The following ENAH variants were observed in gnomAD, a reference collection of about 807,000 sequenced individuals.
The protein encoded by ENAH is ENAH actin regulator, also known as protein enabled homolog.
In ENAH, 23 loss-of-function variants were observed where a neutral mutation model predicts 78.7. That is an observed-to-expected ratio of 0.29 (90% CI 0.21 to 0.41). ENAH has a LOEUF of 0.41. Among genes scored for constraint, ENAH ranks in the 10% least tolerant of loss-of-function variants. The pLI, the probability that ENAH is intolerant of heterozygous loss-of-function variation, is 1.00. For missense variants in ENAH, 544 were observed against 691.0 expected (o/e 0.79, Z 2.39); for synonymous variants, 226 against 241.0 (o/e 0.94, Z 0.58).
intron 2 of ENAH, among the ~76,000 whole-genome samples, chr1:225,566,302 C>T (rs17561368): frequency 0.043 from 6,542 of 152,054 alleles, 230 homozygotes; most frequent in South Asian, 0.11. Context: ...ACCAGTTTCA[C>T]AGCCCAACCT....
intron 1 of ENAH, among the ~76,000 whole-genome samples, chr1:225,606,515 G>A (rs868656298): frequency 7.3e-5 from 11 of 150,896 alleles, no homozygotes; most frequent in South Asian, 2.1e-4. Flanking sequence ...ATAAGCACTC[G>A]TACAATCTAG....
chr1:225,548,341 G>A (rs2096625303), intron 3 of ENAH, among the ~76,000 whole-genome samples: 1 of 151,764 alleles, frequency 6.6e-6, no homozygotes, highest in Non-Finnish European at 1.5e-5. Context: ...TTAGGAAATA[G>A]CTTTAGAGAA....
chr1:225,549,059 A>G (rs559823468), intron 3 of ENAH, among the ~76,000 whole-genome samples: 1 of 152,182 alleles, frequency 6.6e-6, no homozygotes, highest in African/African-American at 2.4e-5. Flanking sequence ...CATATCAGCC[A>G]GGCTGGTCTC....
At chr1:225,521,780 T>C (rs1558750417) in intron 4 of ENAH, among the ~76,000 whole-genome samples, 1 of 151,716 alleles carries the variant, frequency 6.6e-6, no homozygotes, top group African/African-American at 2.4e-5. Context: ...GCTATAACGA[T>C]AGTTTTTTTG....
intron 1 of ENAH, among the ~76,000 whole-genome samples, chr1:225,604,965 T>C (rs1284322717): frequency 6.6e-6 from 1 of 152,176 alleles, no homozygotes; most frequent in African/African-American, 2.4e-5. Flanking sequence ...GAAAAGGGCA[T>C]CCTCATACCT....
chr1:225,608,599 T>C (rs1225433303), intron 1 of ENAH, among the ~76,000 whole-genome samples: 1 of 151,800 alleles, frequency 6.6e-6, no homozygotes, highest in East Asian at 1.9e-4. Context: ...GCAGATTACC[T>C]GAGGTCAGGA....
At chr1:225,568,937 G>T (rs904935253) in intron 1 of ENAH, among the ~76,000 whole-genome samples, 3 of 152,152 alleles carry the variant, frequency 2.0e-5, no homozygotes, top group African/African-American at 7.2e-5. Flanking sequence ...AAACCCAATG[G>T]TAATGTCTAC....
intron 10 of ENAH, among the ~76,000 whole-genome samples, chr1:225,511,469 G>GA (rs2151109276): frequency 6.6e-6 from 1 of 152,326 alleles, no homozygotes; most frequent in South Asian, 2.1e-4. Flanking sequence ...TCACCCAAAT[G>GA]AATGGCTAGG....
intron 1 of ENAH, among the ~76,000 whole-genome samples, chr1:225,635,496 T>C (rs1659899408): frequency 6.6e-5 from 10 of 152,236 alleles, no homozygotes; most frequent in Admixed American, 6.5e-4. Context: ...TTTATTTTTA[T>C]TGTGTACATG....
intron 1 of ENAH, among the ~76,000 whole-genome samples, chr1:225,595,061 G>A (rs564352221): frequency 3.9e-5 from 6 of 152,258 alleles, no homozygotes; most frequent in Middle Eastern, 3.4e-3. Context: ...CAGCCCAGGC[G>A]CGGTGGCTCA....
chr1:225,608,648 T>C (rs1456924658), intron 1 of ENAH, among the ~76,000 whole-genome samples: 1 of 151,372 alleles, frequency 6.6e-6, no homozygotes, highest in Non-Finnish European at 1.5e-5. Flanking sequence ...AAACCCCGTC[T>C]CTACTAACAA....
intron 1 of ENAH, among the ~76,000 whole-genome samples, chr1:225,598,461 G>C (rs1314509175): frequency 6.6e-6 from 1 of 151,898 alleles, no homozygotes; most frequent in Non-Finnish European, 1.5e-5. Context: ...ACTTGACTGG[G>C]TGAGGGGAGA....
intron 6 of ENAH, 25 bp from the exon 7 acceptor site, chr1:225,514,925 G>C: frequency 6.3e-7 from 1 of 1,585,150 alleles, no homozygotes; most frequent in African/African-American, 1.4e-5. Context: ...TGTTAAGTAA[G>C]ACCATCAACA....
chr1:225,586,510 A>G (rs564292523), intron 1 of ENAH, among the ~76,000 whole-genome samples: 4 of 152,306 alleles, frequency 2.6e-5, no homozygotes, highest in African/African-American at 9.6e-5. Context: ...CGTGATCCCA[A>G]CATGAAAGCC....
chr1:225,555,890 G>A (rs926381719), intron 2 of ENAH, among the ~76,000 whole-genome samples: 2 of 151,970 alleles, frequency 1.3e-5, no homozygotes, highest in Admixed American at 1.3e-4. Flanking sequence ...TCTATATAGG[G>A]GTCTTAAGTA....
intron 4 of ENAH, among the ~76,000 whole-genome samples, chr1:225,525,290 T>A (rs1240234351): frequency 6.6e-6 from 1 of 152,250 alleles, no homozygotes; most frequent in Admixed American, 6.5e-5. Flanking sequence ...CCACTTTGGA[T>A]ACACCAATAT....
chr1:225,626,325 C>G (rs1657943376), intron 1 of ENAH, among the ~76,000 whole-genome samples: 5 of 152,338 alleles, frequency 3.3e-5, no homozygotes, highest in Admixed American at 3.3e-4. Flanking sequence ...TATCGTTCTA[C>G]TGAGGTTAAA....
chr1:225,548,833 T>A (rs2096627667), intron 3 of ENAH, among the ~76,000 whole-genome samples: 1 of 149,480 alleles, frequency 6.7e-6, no homozygotes, highest in Non-Finnish European at 1.5e-5. Flanking sequence ...ACTCACTTAA[T>A]ACTTAGTGAA....
intron 1 of ENAH, among the ~76,000 whole-genome samples, chr1:225,591,247 T>A (rs947853730): frequency 1.3e-5 from 2 of 152,110 alleles, no homozygotes; most frequent in Non-Finnish European, 2.9e-5. Flanking sequence ...GGCAGGGGGA[T>A]CATCTGAGGT....
Sources: gnomAD v4.1 joint callset for allele counts (sites outside exome capture counted in the v4.1 genomes callset) on GRCh38, gnomAD v4.1.1 for gene constraint, MANE v1.5 for transcripts, NCBI Gene and HGNC (gene_info 2026-07-23, HGNC 2026-07-21) for gene names.